KANSL1: variants seen among roughly 807,000 people sequenced by gnomAD.
The protein encoded by KANSL1 is KAT8 regulatory NSL complex subunit 1.
Under a neutral mutation model 103.6 loss-of-function variants are expected in KANSL1, and 22 were observed. The ratio of observed to expected loss-of-function variants is 0.21; its 90% confidence interval spans 0.15 to 0.30. KANSL1 has a LOEUF of 0.30. Ranked by LOEUF, KANSL1 falls within the 10% of genes least tolerant of loss-of-function variation. KANSL1 has a pLI of 1.00. For missense variants in KANSL1, 1,337 were observed against 1,399.8 expected, an observed-to-expected ratio of 0.96 and a Z score of 0.72; for synonymous variants, 600 against 527.6, an observed-to-expected ratio of 1.14 and a Z score of -1.88.
At chr17:46,088,586 AGAG>A (rs1430284368) in intron 3 of KANSL1, 2 of 152,246 alleles carry the variant, frequency 1.3e-5, no homozygotes, top group Admixed American at 6.5e-5. Flanking sequence ...AGTAGTCAGA[AGAG>A]GAGATTTTAA....
intron 2 of KANSL1, among the ~76,000 whole-genome samples, chr17:46,104,782 G>A (rs1287980659): frequency 6.6e-6 from 1 of 152,188 alleles, no homozygotes; most frequent in Non-Finnish European, 1.5e-5. Context: ...TGAGCATGAA[G>A]ATTTTGAGCA....
At chr17:46,113,129 G>T (rs1473887115) in intron 2 of KANSL1, among the ~76,000 whole-genome samples, 1 of 152,074 alleles carries the variant, frequency 6.6e-6, no homozygotes, top group Non-Finnish European at 1.5e-5. Context: ...GGGGGTGGGG[G>T]GATGGTACTT....
In KANSL1 at chr17:46,184,926, A is replaced by G. The variant is rs1597910523; in HGVS notation, c.-90+7897T>C. Among the ~76,000 whole-genome samples, 3 of 138,780 alleles carry G rather than the reference A, an allele frequency of 2.2e-5. No homozygotes were observed. In the South Asian group the frequency reaches 6.5e-4, roughly 30 times the overall value. The allele number at this position is 138,780 out of a possible 152,430, so 91.0% of individuals were successfully genotyped here. ...ACAATATTGGCTCACTGCAACCTCC[A>G]CCTCCTGAGTTCAAGCGTTTCTCCT... On this transcript the variant is annotated intron_variant, in intron 1 of 14. Coordinates refer to ENST00000432791, the MANE Select transcript of KANSL1 (RefSeq NM_015443.4).
chr17:46,216,365 C>T (rs1224076574), intron 1 of KANSL1, among the ~76,000 whole-genome samples: 3 of 151,780 alleles, frequency 2.0e-5, no homozygotes, highest in Non-Finnish European at 4.4e-5. Flanking sequence ...TTTGGGAGGC[C>T]GAGGCAGGTG....
chr17:46,190,029 A>G lies in KANSL1; in HGVS notation c.-90+2794T>C, dbSNP rs147979237. Among the ~76,000 whole-genome samples, 5 of 152,300 alleles carry G rather than the reference A, an allele frequency of 3.3e-5. No homozygotes were observed. The East Asian group carries it at 9.6e-4, about 29-fold the overall frequency. Reference sequence around the variant, plus strand: ...CTTCTCAAACAACCACAACACCCCTATGTTTACAGAGTACACAAATCAGGT... The same window carrying G: ...CTTCTCAAACAACCACAACACCCCTGTGTTTACAGAGTACACAAATCAGGT... On this transcript the variant is annotated intron_variant, in intron 1 of 14. Coordinates refer to ENST00000432791, the MANE Select transcript of KANSL1 (RefSeq NM_015443.4).
chr17:46,076,729 G>T (rs1212865242), intron 4 of KANSL1, among the ~76,000 whole-genome samples: 1 of 151,844 alleles, frequency 6.6e-6, no homozygotes, highest in Non-Finnish European at 1.5e-5. Flanking sequence ...GAAGTTTTAT[G>T]GTTTCAGCAA....
intron 1 of KANSL1, among the ~76,000 whole-genome samples, chr17:46,182,484 T>C (rs2046838081): frequency 6.6e-6 from 1 of 152,230 alleles, no homozygotes; most frequent in Admixed American, 6.5e-5. Context: ...ATTTTTACTA[T>C]AAAACAAAGA....
chr17:46,086,569 A>G (rs2079172903), intron 3 of KANSL1, among the ~76,000 whole-genome samples: 1 of 152,222 alleles, frequency 6.6e-6, no homozygotes, highest in Non-Finnish European at 1.5e-5. Flanking sequence ...GGCAAAGAAA[A>G]ACAATGTAAA....
At chr17:46,174,192 G>T (rs1259027584) in intron 1 of KANSL1, among the ~76,000 whole-genome samples, 1 of 152,150 alleles carries the variant, frequency 6.6e-6, no homozygotes, top group Non-Finnish European at 1.5e-5. Context: ...GTGTGGATGT[G>T]TGTGTGTGTG....
intron 7 of KANSL1, chr17:46,042,422 T>G (rs1298085906): frequency 6.6e-6 from 1 of 152,204 alleles, no homozygotes; most frequent in African/African-American, 2.4e-5. Context: ...ATGCTTATTT[T>G]AAAGATAGGG....
intron 2 of KANSL1, among the ~76,000 whole-genome samples, chr17:46,149,606 T>C (rs1395532413): frequency 6.6e-6 from 1 of 152,280 alleles, no homozygotes; most frequent in Non-Finnish European, 1.5e-5. Flanking sequence ...AAACTTGCCT[T>C]AGACTGCATT....
intron 3 of KANSL1, among the ~76,000 whole-genome samples, chr17:46,092,715 T>TTTGGG (rs1568438853): frequency 1.4e-4 from 3 of 21,618 alleles, no homozygotes; most frequent in African/African-American, 6.7e-4. Flanking sequence ...TTTTTTTTTT[T>TTTGGG]GGGGGGGGGG....
chr17:46,172,485 G>A (rs1422466766), intron 1 of KANSL1, among the ~76,000 whole-genome samples: 1 of 152,142 alleles, frequency 6.6e-6, no homozygotes, highest in Non-Finnish European at 1.5e-5. Flanking sequence ...ATTGAAAGGT[G>A]CCAAAACACA....
At chr17:46,194,690 A>C (rs1355306434), upstream of KANSL1, among the ~76,000 whole-genome samples, 2 of 152,256 alleles carry the variant, frequency 1.3e-5, no homozygotes, top group Admixed American at 6.5e-5. Flanking sequence ...AATTCGGCAG[A>C]TAAGAAGGGT....
intron 2 of KANSL1, among the ~76,000 whole-genome samples, chr17:46,124,403 T>C (rs1017822531): frequency 6.6e-6 from 1 of 152,226 alleles, no homozygotes; most frequent in East Asian, 1.9e-4. Context: ...ATACTGCTGC[T>C]CACTGACAAT....
intron 1 of KANSL1, among the ~76,000 whole-genome samples, chr17:46,188,644 G>A (rs1411124444): frequency 1.3e-5 from 2 of 152,182 alleles, no homozygotes; most frequent in Non-Finnish European, 2.9e-5. Context: ...GGTAAAATAC[G>A]CTTCCCAAGA....
At chr17:46,168,798 A>G (rs1363423412) in intron 2 of KANSL1, among the ~76,000 whole-genome samples, 3 of 152,232 alleles carry the variant, frequency 2.0e-5, no homozygotes, top group Non-Finnish European at 2.9e-5. Context: ...ATGTTTCCTA[A>G]AAGCCATCCT....
intron 4 of KANSL1, among the ~76,000 whole-genome samples, chr17:46,076,061 A>C (rs2078755905): frequency 6.6e-6 from 1 of 152,272 alleles, no homozygotes; most frequent in African/African-American, 2.4e-5. Flanking sequence ...AATGACAATT[A>C]GCTTTTACTA....
intron 2 of KANSL1, among the ~76,000 whole-genome samples, chr17:46,103,420 C>A (rs1567677825): frequency 6.6e-6 from 1 of 152,106 alleles, no homozygotes. Flanking sequence ...CGGTATGTTT[C>A]CAAAATGTAA....
Sources: gnomAD v4.1 joint callset for allele counts (sites outside exome capture counted in the v4.1 genomes callset) on GRCh38, gnomAD v4.1.1 for gene constraint, MANE v1.5 for transcripts, NCBI Gene and HGNC (gene_info 2026-07-23, HGNC 2026-07-21) for gene names.